FGF12: variants seen among roughly 807,000 people sequenced by gnomAD.
FGF12 encodes fibroblast growth factor 12B.
A neutral mutation model predicts 23.6 loss-of-function variants in FGF12; 14 were observed. The observed-to-expected ratio is 0.59, with a 90% confidence interval of 0.39 to 0.93. The LOEUF is 0.93. Ranked by LOEUF, FGF12 falls within the 40% of genes least tolerant of loss-of-function variation. The pLI is 0.00. For synonymous variants in FGF12, 62 were observed against 77.3 expected, an observed-to-expected ratio of 0.80 and a Z score of 1.04; for missense variants, 175 against 217.8, an observed-to-expected ratio of 0.80 and a Z score of 1.24.
intron 2 of FGF12, among the ~76,000 whole-genome samples, chr3:192,366,647 CTTTAAA>C (rs1309128434): frequency 1.3e-5 from 2 of 152,148 alleles, no homozygotes; most frequent in Non-Finnish European, 2.9e-5. Context: ...TGTTCAGTCA[CTTTAAA>C]AGAGTACTGG....
chr3:192,470,167 C>A (rs1182227118), intron 2 of FGF12, among the ~76,000 whole-genome samples: 1 of 152,050 alleles, frequency 6.6e-6, no homozygotes, highest in Non-Finnish European at 1.5e-5. Context: ...TAAGATCAGT[C>A]TTTAACTTAA....
intron 4 of FGF12, among the ~76,000 whole-genome samples, chr3:192,211,937 A>G (rs1017448005): frequency 6.6e-6 from 1 of 152,224 alleles, no homozygotes; most frequent in African/African-American, 2.4e-5. Context: ...GACTCTTGCT[A>G]CAAAGTGAAG....
intron 2 of FGF12, among the ~76,000 whole-genome samples, chr3:192,504,725 T>C (rs947774602): frequency 6.6e-6 from 1 of 152,164 alleles, no homozygotes; most frequent in Non-Finnish European, 1.5e-5. Flanking sequence ...CACACTACTA[T>C]TGGGGTTCAA....
intron 2 of FGF12, among the ~76,000 whole-genome samples, chr3:192,639,716 A>G (rs557549124): frequency 6.6e-6 from 1 of 152,320 alleles, no homozygotes; most frequent in African/African-American, 2.4e-5. Flanking sequence ...TATTCCCTAT[A>G]TAATGCAGAA....
At chr3:192,386,926 A>G (rs976571357) in intron 2 of FGF12, among the ~76,000 whole-genome samples, 1 of 152,244 alleles carries the variant, frequency 6.6e-6, no homozygotes, top group Non-Finnish European at 1.5e-5. Flanking sequence ...CTTTATTGTT[A>G]AAAGTGTCAA....
intron 2 of FGF12, among the ~76,000 whole-genome samples, chr3:192,418,582 ATGT>A (rs1240490528): frequency 6.6e-6 from 1 of 152,100 alleles, no homozygotes; most frequent in East Asian, 1.9e-4. Context: ...CCCAAATCTC[ATGT>A]TGAATTGTAA....
intron 4 of FGF12, among the ~76,000 whole-genome samples, chr3:192,245,502 C>T (rs1711524583): frequency 6.6e-6 from 1 of 152,088 alleles, no homozygotes; most frequent in Admixed American, 6.6e-5. Context: ...TACATGTGAG[C>T]ATCAGAAATA....
intron 5 of FGF12, among the ~76,000 whole-genome samples, chr3:192,154,501 G>T (rs1171414084): frequency 3.4e-5 from 5 of 147,240 alleles, no homozygotes; most frequent in African/African-American, 1.3e-4. Context: ...CGGTGTGGAT[G>T]TCCTTTCTGT....
chr3:192,556,956 G>T (rs1711807045), intron 2 of FGF12, among the ~76,000 whole-genome samples: 2 of 151,624 alleles, frequency 1.3e-5, no homozygotes, highest in Non-Finnish European at 3.0e-5. Flanking sequence ...GATAAACAAC[G>T]AATGAGTCAA....
intron 4 of FGF12, among the ~76,000 whole-genome samples, chr3:192,195,475 C>T (rs1187295944): frequency 6.6e-6 from 1 of 152,188 alleles, no homozygotes; most frequent in African/African-American, 2.4e-5. Flanking sequence ...GATACAAAAA[C>T]ACTTACCGTT....
chr3:192,144,130 GA>G lies in FGF12; in HGVS notation c.428-4del. On this transcript the variant is annotated splice_region_variant and splice_polypyrimidine_tract_variant and intron_variant, in intron 5 of 5. Coordinates refer to ENST00000445105, the MANE Select transcript of FGF12 (RefSeq NM_004113.6). ...CGATGGTTCTCTGTACATACACACTGAAAGGCAAAATAACAAAAATTACTTA... is the reference window on the plus strand; with the variant it reads ...CGATGGTTCTCTGTACATACACACTGAAGGCAAAATAACAAAAATTACTTA... The G allele has an allele frequency of 6.4e-7, 1 of 1,574,250 alleles. No individual in the cohort carries two copies. The highest frequency in any genetic ancestry group is 1.7e-5 in the Admixed American group (1 of 58,220).
intron 2 of FGF12, among the ~76,000 whole-genome samples, chr3:192,634,683 A>G (rs1715514918): frequency 6.6e-6 from 1 of 152,190 alleles, no homozygotes; most frequent in Non-Finnish European, 1.5e-5. Flanking sequence ...GAAGGTGTAC[A>G]ATAAATCACT....
intron 4 of FGF12, among the ~76,000 whole-genome samples, chr3:192,304,851 A>G (rs1407677231): frequency 9.2e-5 from 14 of 152,238 alleles, no homozygotes; most frequent in Non-Finnish European, 2.1e-4. Flanking sequence ...TGTACTGTTT[A>G]GCTTTCTTGC....
intron 2 of FGF12, among the ~76,000 whole-genome samples, chr3:192,365,789 C>T (rs896530436): frequency 1.3e-5 from 2 of 151,870 alleles, no homozygotes; most frequent in Admixed American, 6.6e-5. Flanking sequence ...GCTATCTAGA[C>T]GTTCCTGCCG....
At chr3:192,368,569 G>C (rs1314512282) in intron 2 of FGF12, among the ~76,000 whole-genome samples, 2 of 152,132 alleles carry the variant, frequency 1.3e-5, no homozygotes, top group Non-Finnish European at 2.9e-5. Flanking sequence ...TAATGGTAAA[G>C]ATTAATAACC....
chr3:192,286,735 G>C (rs931156180), intron 4 of FGF12, among the ~76,000 whole-genome samples: 1 of 151,966 alleles, frequency 6.6e-6, no homozygotes. Context: ...GTATACTCTT[G>C]AGATTGATTT....
intron 5 of FGF12, among the ~76,000 whole-genome samples, chr3:192,167,982 A>G (rs1054177818): frequency 1.3e-5 from 2 of 150,898 alleles, no homozygotes; most frequent in African/African-American, 4.9e-5. Flanking sequence ...GGTCAGGCTG[A>G]TCTCAAACTC....
intron 4 of FGF12, among the ~76,000 whole-genome samples, chr3:192,330,527 T>C (rs189388629): frequency 2.0e-3 from 303 of 152,208 alleles, no homozygotes; most frequent in African/African-American, 6.8e-3. Flanking sequence ...TGCAAAAGAA[T>C]GAAACTGGAC....
intron 5 of FGF12, among the ~76,000 whole-genome samples, chr3:192,161,505 T>TACACACACACACAC (rs10543146): frequency 2.7e-5 from 4 of 149,696 alleles, no homozygotes; most frequent in South Asian, 2.1e-4. Flanking sequence ...AACGCCTATT[T>TACACACACACACAC]ACACACACAC....
Sources: gnomAD v4.1 joint callset for allele counts (sites outside exome capture counted in the v4.1 genomes callset) on GRCh38, gnomAD v4.1.1 for gene constraint, MANE v1.5 for transcripts, NCBI Gene and HGNC (gene_info 2026-07-23, HGNC 2026-07-21) for gene names.